The following ANGPT2 variants were observed in gnomAD, a reference collection of about 807,000 sequenced individuals.
The protein encoded by ANGPT2 is angiopoietin 2.
A neutral mutation model predicts 62.9 loss-of-function variants in ANGPT2; 28 were observed. The ratio of observed to expected loss-of-function variants is 0.44; its 90% CI spans 0.33 to 0.61. ANGPT2 has a LOEUF of 0.61. Ranked by LOEUF, ANGPT2 falls within the 20% of genes least tolerant of loss-of-function variation. The pLI, the probability that ANGPT2 is intolerant of heterozygous loss-of-function variation, is 0.03. For missense variants in ANGPT2, 727 were observed against 594.9 expected, an observed-to-expected ratio of 1.22 and a Z score of -2.31; for synonymous variants, 284 against 207.8, an observed-to-expected ratio of 1.37 and a Z score of -3.15.
At chr8:6,510,407 A>G (rs1814807961) in intron 7 of ANGPT2, among the ~76,000 whole-genome samples, 1 of 152,200 alleles carries the variant, frequency 6.6e-6, no homozygotes, top group Non-Finnish European at 1.5e-5. Context: ...CCTTCTTTGT[A>G]AAACCTGCTA....
At chr8:6,526,493 G>C (rs561501130) in intron 3 of ANGPT2, among the ~76,000 whole-genome samples, 1 of 151,936 alleles carries the variant, frequency 6.6e-6, no homozygotes, top group Non-Finnish European at 1.5e-5. Context: ...TCAATGATTG[G>C]TCTCAAATGT....
chr8:6,520,752 A>G (rs1784548271), intron 4 of ANGPT2, among the ~76,000 whole-genome samples: 1 of 152,172 alleles, frequency 6.6e-6, no homozygotes, highest in Non-Finnish European at 1.5e-5. Context: ...GGAAGGCAAA[A>G]TGTGCTTAAG....
Position 6,538,400 on chromosome 8 carries a change from A to G in ANGPT2, c.289-5913T>C, listed in dbSNP as rs547858029. ...CTCCTTTCATCCCGCTGTCAGAGTC[A>G]GGAATCCACATGCAAAGCTGGTGAC... On this transcript the variant is annotated intron_variant, in intron 1 of 8. Coordinates refer to ENST00000629816, the MANE Select transcript of ANGPT2 (RefSeq NM_001118887.2). 3.1e-4 allele frequency among the ~76,000 whole-genome samples: 47 copies of G among 152,296 alleles called. 1 individual carries two copies. The highest frequency in any genetic ancestry group is 2.9e-4 in the Non-Finnish European group (20 of 68,034).
intron 2 of ANGPT2, among the ~76,000 whole-genome samples, chr8:6,530,070 T>C (rs1381643500): frequency 6.6e-6 from 1 of 152,174 alleles, no homozygotes; most frequent in Non-Finnish European, 1.5e-5. Context: ...TTTTAAAATA[T>C]AAGAAATGTT....
At chr8:6,534,014 G>A (rs945542469) in intron 1 of ANGPT2, among the ~76,000 whole-genome samples, 1 of 151,952 alleles carries the variant, frequency 6.6e-6, no homozygotes, top group African/African-American at 2.4e-5. Context: ...CCTCGCCATC[G>A]ACTCTGCCCC....
intron 8 of ANGPT2, among the ~76,000 whole-genome samples, chr8:6,506,808 C>G (rs1014002789): frequency 6.8e-6 from 1 of 147,038 alleles, no homozygotes; most frequent in East Asian, 2.0e-4. Flanking sequence ...AGGCCTGATT[C>G]TTTCAGCATA....
At chr8:6,541,728 G>C (rs1433179881) in intron 1 of ANGPT2, among the ~76,000 whole-genome samples, 1 of 152,142 alleles carries the variant, frequency 6.6e-6, no homozygotes, top group East Asian at 1.9e-4. Flanking sequence ...GTAGGGCCGG[G>C]CATAGTGGCT....
intron 1 of ANGPT2, among the ~76,000 whole-genome samples, chr8:6,543,535 C>T (rs1041645260): frequency 2.6e-5 from 4 of 152,162 alleles, no homozygotes; most frequent in East Asian, 3.8e-4. Context: ...GGAATAAACC[C>T]GCCCAAACCA....
chr8:6,540,576 GT>G, intron 1 of ANGPT2, among the ~76,000 whole-genome samples: 1 of 152,192 alleles, frequency 6.6e-6, no homozygotes, highest in Admixed American at 6.5e-5. Flanking sequence ...AGCAAATACA[GT>G]GCAACAGACG....
chr8:6,504,693 T>C (rs546055699), intron 8 of ANGPT2, among the ~76,000 whole-genome samples: 19 of 152,290 alleles, frequency 1.2e-4, no homozygotes, highest in Non-Finnish European at 2.6e-4. Context: ...CTAAGGATGC[T>C]AAGATCTATA....
At chr8:6,511,831 A>G (rs1815174165) in intron 7 of ANGPT2, among the ~76,000 whole-genome samples, 1 of 152,240 alleles carries the variant, frequency 6.6e-6, no homozygotes, top group Non-Finnish European at 1.5e-5. Context: ...ATGTCAGCGT[A>G]CAAGGGTAAT....
At chr8:6,517,129 G>C (rs1322280971) in intron 5 of ANGPT2, among the ~76,000 whole-genome samples, 2 of 152,200 alleles carry the variant, frequency 1.3e-5, no homozygotes, top group Non-Finnish European at 2.9e-5. Context: ...CTGAGTAAAA[G>C]TGCTGAAATT....
rs1192733659 is a variant in ANGPT2, at chr8:6,505,205, TAGA to T, written c.1328-1947_1328-1945del. Among the ~76,000 whole-genome samples the T allele has an allele frequency of 9.0e-5, 10 of 110,680 alleles. 1 individual carries two copies. Among genetic ancestry groups the T allele is most frequent in the African/African-American group, 3.7e-4 (10 of 27,102 alleles). The allele number at this position is 110,680 out of a possible 152,430, so 72.6% of individuals were successfully genotyped here. A position where few individuals can be genotyped will look rare whatever the true frequency, so the allele number is the denominator to read the frequency against. On this transcript the variant is annotated intron_variant, in intron 8 of 8. Coordinates refer to ENST00000629816, the MANE Select transcript of ANGPT2 (RefSeq NM_001118887.2). ...ATATATATATATTCTTATGTATATA[TAGA>T]ATATATATATATATTCTTATGTATA...
At chr8:6,521,748 G>A (rs1011112956) in intron 3 of ANGPT2, among the ~76,000 whole-genome samples, 4 of 152,224 alleles carry the variant, frequency 2.6e-5, no homozygotes, top group Admixed American at 1.3e-4. Context: ...GCTCTTTCAA[G>A]CTTAGTGCTC....
chr8:6,521,799 G>A (rs1312068227), intron 3 of ANGPT2, among the ~76,000 whole-genome samples: 1 of 152,124 alleles, frequency 6.6e-6, no homozygotes, highest in African/African-American at 2.4e-5. Flanking sequence ...CAACTGGGCT[G>A]GACCCTTGGG....
chr8:6,562,439 T>A (rs933156614), intron 1 of ANGPT2, among the ~76,000 whole-genome samples: 14 of 151,790 alleles, frequency 9.2e-5, no homozygotes, highest in Non-Finnish European at 1.9e-4. Flanking sequence ...TTCCAAATAA[T>A]TATTTTCACC....
rs570737170 is a variant in ANGPT2 at position 6,504,426 on chromosome 8, TCTC to T, written c.1328-1168_1328-1166del. Among the ~76,000 whole-genome samples, 463 of 151,690 alleles carry T rather than the reference TCTC, an allele frequency of 3.1e-3. 7 individuals carry two copies. The highest frequency in any genetic ancestry group is 0.029 in the Admixed American group (440 of 15,226). On this transcript the variant is annotated intron_variant, in intron 8 of 8. Coordinates refer to ENST00000629816, the MANE Select transcript of ANGPT2 (RefSeq NM_001118887.2). The stretch of plus-strand genomic sequence containing the variant: ...TTCATCCCTCCCAGAACATGAATAA[TCTC>T]CTCTATCCAGTGGATCCACGCTGTC...
intron 3 of ANGPT2, among the ~76,000 whole-genome samples, chr8:6,525,898 G>T (rs1346397022): frequency 6.6e-6 from 1 of 152,088 alleles, no homozygotes; most frequent in South Asian, 2.1e-4. Context: ...TGATATTTGG[G>T]GAACATAATT....
intron 1 of ANGPT2, among the ~76,000 whole-genome samples, chr8:6,547,916 T>C (rs1270204924): frequency 6.6e-6 from 1 of 151,728 alleles, no homozygotes; most frequent in African/African-American, 2.4e-5. Flanking sequence ...CAAAACTCAC[T>C]GTGGTTACTT....
Sources: gnomAD v4.1 joint callset for allele counts (sites outside exome capture counted in the v4.1 genomes callset) on GRCh38, gnomAD v4.1.1 for gene constraint, MANE v1.5 for transcripts, NCBI Gene and HGNC (gene_info 2026-07-23, HGNC 2026-07-21) for gene names.